CRBN: variants seen among roughly 807,000 people sequenced by gnomAD.
CRBN encodes the protein protein cereblon.
CRBN carries 53 observed loss-of-function variants against 62.2 expected under a neutral mutation model. The observed-to-expected ratio is 0.85, with a 90% CI of 0.68 to 1.07. The LOEUF is 1.07. Among genes scored for constraint, CRBN ranks in the 50% least tolerant of loss-of-function variants. CRBN has a pLI of 0.00. For synonymous variants in CRBN, 208 were observed against 176.1 expected, an observed-to-expected ratio of 1.18 and a Z score of -1.43; for missense variants, 616 against 531.1, an observed-to-expected ratio of 1.16 and a Z score of -1.57.
In CRBN at chr3:3,153,191, A is replaced by G. The variant is rs79225672; in HGVS notation, c.1016+233T>C. On this transcript the variant is annotated intron_variant, in intron 9 of 10. Transcript: ENST00000231948. ...AGAATTAGGGGGAAAAGAATTTCTC[A>G]GTTGTTTTACTTTACCATGCTCATT... The G allele has an allele frequency of 1.3e-4, 59 of 464,966 alleles. No individual in the cohort carries two copies. The East Asian group carries it at 2.4e-3, about 19-fold the overall frequency. The allele number at this position is 464,966 out of a possible 1,614,324, so 28.8% of individuals were successfully genotyped here. A position where few individuals can be genotyped will look rare whatever the true frequency, so the allele number is the denominator to read the frequency against.
At chr3:3,164,308 G>A (rs1707244319) in intron 5 of CRBN, among the ~76,000 whole-genome samples, 1 of 152,310 alleles carries the variant, frequency 6.6e-6, no homozygotes, top group African/African-American at 2.4e-5. Flanking sequence ...TAGGCCTCCT[G>A]GGGCAAACAG....
chr3:3,161,549 C>T (rs533463156), intron 5 of CRBN, among the ~76,000 whole-genome samples: 5 of 152,160 alleles, frequency 3.3e-5, no homozygotes, highest in Middle Eastern at 3.4e-3. Context: ...CCACCATGCC[C>T]GGCTAATTTT....
At chr3:3,170,604 C>T (rs1162164228) in intron 4 of CRBN, among the ~76,000 whole-genome samples, 1 of 152,164 alleles carries the variant, frequency 6.6e-6, no homozygotes, top group Non-Finnish European at 1.5e-5. Flanking sequence ...AAATCAACTC[C>T]AGAATTTCTT....
intron 4 of CRBN, among the ~76,000 whole-genome samples, chr3:3,170,898 C>T (rs550043192): frequency 3.9e-5 from 6 of 152,106 alleles, no homozygotes; most frequent in African/African-American, 9.7e-5. Flanking sequence ...CTCTGCCTCC[C>T]GGGTTCAAGC....
intron 5 of CRBN, among the ~76,000 whole-genome samples, chr3:3,164,616 T>A (rs942497690): frequency 1.3e-5 from 2 of 152,216 alleles, no homozygotes; most frequent in African/African-American, 4.8e-5. Flanking sequence ...GAACATCTGT[T>A]TAGATAATGG....
chr3:3,154,889 T>G, intron 6 of CRBN, 58 bp from the exon 7 acceptor site: 1 of 982,910 alleles, frequency 1.0e-6, no homozygotes, highest in South Asian at 1.3e-5. Context: ...AATTTACTAT[T>G]AAGCTTTTCA....
At chr3:3,170,018 T>C (rs1381086773) in intron 4 of CRBN, among the ~76,000 whole-genome samples, 1 of 152,172 alleles carries the variant, frequency 6.6e-6, no homozygotes, top group Non-Finnish European at 1.5e-5. Flanking sequence ...GTCTCACTGT[T>C]GGCGAAGCTG....
rs769176486 is a variant in CRBN at position 3,170,104 on chromosome 3, C to T, written c.528-2311G>A. Among the ~76,000 whole-genome samples, 6 of 152,066 alleles carry T rather than the reference C, an allele frequency of 3.9e-5. No individual in the cohort carries two copies. In the East Asian group the frequency reaches 1.2e-3, roughly 29 times the overall value. On this transcript the variant is annotated intron_variant, in intron 4 of 10. Coordinates refer to ENST00000231948, the MANE Select transcript of CRBN (RefSeq NM_016302.4). ...AAGTGGTTCTCATGCCTCAGCCTCC[C>T]GAACAGCTGGAATTACAGGCACAGG...
At chr3:3,152,147 T>C (rs1706602248) in intron 10 of CRBN, among the ~76,000 whole-genome samples, 1 of 85,456 alleles carries the variant, frequency 1.2e-5, no homozygotes, top group South Asian at 3.5e-4. Flanking sequence ...GACATTTAAA[T>C]AAATTTTTTT....
rs1434218441 is a variant in CRBN, at chr3:3,179,601, G to A, written c.67+20C>T. 2.5e-6 allele frequency: 4 copies of A among 1,612,190 alleles called. No individual in the cohort carries two copies. Among genetic ancestry groups the A allele is most frequent in the East Asian group, 2.2e-5 (1 of 44,858 alleles). ...GCCTCGCCCCACTCCCGACTACAGG[G>A]AACTACTCCGGGCGGTTACCAGGCA... On this transcript the variant is annotated intron_variant, in intron 1 of 10. Coordinates refer to ENST00000231948, the MANE Select transcript of CRBN (RefSeq NM_016302.4).
At chr3:3,154,097 G>T in intron 7 of CRBN, 22 bp from the exon 8 acceptor site, 1 of 1,442,242 alleles carries the variant, frequency 6.9e-7, no homozygotes, top group Non-Finnish European at 9.8e-7. Flanking sequence ...GGTTTTTCAA[G>T]TTTTAAACTT....
rs76212525 is a variant in CRBN, at chr3:3,150,272, G to C, written c.*593C>G. 0.044 allele frequency: 6,706 copies of C among 152,120 alleles called. 163 individuals carry two copies. The highest frequency in any genetic ancestry group is 0.059 in the East Asian group (304 of 5,192). 9.4% of individuals were successfully genotyped at this position (152,120 alleles called of 1,614,324 possible). A position where few individuals can be genotyped will look rare whatever the true frequency, so the allele number is the denominator to read the frequency against. Reference sequence around the variant, plus strand: ...CATAAAGGAAATGACAACTATTCGTGGGCTCAAAAAACTGCATATTTTAAC... The same window carrying C: ...CATAAAGGAAATGACAACTATTCGTCGGCTCAAAAAACTGCATATTTTAAC... On this transcript the variant is annotated 3_prime_UTR_variant, in exon 11 of 11. Coordinates refer to ENST00000231948, the MANE Select transcript of CRBN (RefSeq NM_016302.4).
chr3:3,153,728 A>G, intron 8 of CRBN: 2 of 613,792 alleles, frequency 3.3e-6, no homozygotes, highest in South Asian at 2.0e-5. Context: ...ATAGTGATAT[A>G]TAACCTTGGA....
chr3:3,174,018 T>C (rs1223341103), intron 3 of CRBN, 41 bp downstream of exon 3: 3 of 1,513,244 alleles, frequency 2.0e-6, no homozygotes, highest in Admixed American at 1.7e-5. Context: ...CAATTACCCA[T>C]GAGAGGGAAT....
chr3:3,166,948 T>C (rs1707375646), intron 5 of CRBN, among the ~76,000 whole-genome samples: 3 of 151,580 alleles, frequency 2.0e-5, no homozygotes, highest in Admixed American at 6.6e-5. Flanking sequence ...AAAAAAAAAC[T>C]CAAAAAGCCC....
chr3:3,149,704 T>TGAA (rs1559235799), downstream of CRBN: 1 of 152,100 alleles, frequency 6.6e-6, no homozygotes, highest in East Asian at 1.9e-4. Context: ...CATATCCTGA[T>TGAA]TGGAAGTATT....
At chr3:3,165,143 T>C (rs991497188) in intron 5 of CRBN, among the ~76,000 whole-genome samples, 3 of 152,220 alleles carry the variant, frequency 2.0e-5, no homozygotes, top group Non-Finnish European at 4.4e-5. Context: ...TGAATTGCTG[T>C]GATCTCATGA....
intron 5 of CRBN, among the ~76,000 whole-genome samples, chr3:3,167,229 G>T (rs1212883829): frequency 6.6e-6 from 1 of 152,044 alleles, no homozygotes; most frequent in African/African-American, 2.4e-5. Context: ...CTTTCTCTCT[G>T]GTTTGGAAGA....
chr3:3,172,471 G>C, intron 4 of CRBN: 1 of 373,818 alleles, frequency 2.7e-6, no homozygotes, highest in South Asian at 2.8e-5. Flanking sequence ...GGATTTACAT[G>C]ATTGTTCTCA....
Sources: gnomAD v4.1 joint callset for allele counts (sites outside exome capture counted in the v4.1 genomes callset) on GRCh38, gnomAD v4.1.1 for gene constraint, MANE v1.5 for transcripts, NCBI Gene and HGNC (gene_info 2026-07-23, HGNC 2026-07-21) for gene names.